The following CCND3 variants were observed in gnomAD, a reference collection of about 807,000 sequenced individuals.
CCND3 encodes cyclin D3, also known as G1/S-specific cyclin-D3.
Under a neutral mutation model 28.7 loss-of-function variants are expected in CCND3, and 9 were observed. The ratio of observed to expected loss-of-function variants is 0.31; its 90% confidence interval spans 0.19 to 0.55. CCND3 has a LOEUF of 0.55. CCND3 is among the 20% of genes least tolerant of loss of function. CCND3 has a pLI of 0.93. For missense variants in CCND3, 315 were observed against 385.8 expected (o/e 0.82, Z 1.54); for synonymous variants, 164 against 163.9 (o/e 1.00, Z 0.00).
rs34167767 is a variant in CCND3, at chr6:41,964,280, A to ATG, written c.-45-23697_-45-23696dup. ...GAGGAGCACTTCCTCCAGCGTGTGT[A>ATG]TGTGTGTGTGTGTGAGTATGTGTGA... is the stretch of plus-strand genomic sequence containing the variant. On this transcript the variant is annotated intron_variant, in intron 1 of 4. Coordinates refer to the CCND3 transcript ENST00000372988. Among the ~76,000 whole-genome samples, 289 of 151,480 alleles carry ATG rather than the reference A, an allele frequency of 1.9e-3. 2 individuals carry two copies. The highest frequency in any genetic ancestry group is 6.6e-3 in the African/African-American group (273 of 41,344).
Position 41,941,304 on chromosome 6 carries a change from T to C in CCND3, c.198+148A>G. The stretch of plus-strand genomic sequence containing the variant: ...GGGAAAGCAAGGGAGGCAGCTGGCG[T>C]GGGTGCCCTAGTGAAAGGCCAGGCC... On this transcript the variant is annotated intron_variant, in intron 1 of 4. Coordinates refer to ENST00000372991, the MANE Select transcript of CCND3 (RefSeq NM_001760.5). The surrounding 1 kb of genome is among the most constrained non-coding windows in gnomAD (Gnocchi z 6.1). The C allele has an allele frequency of 6.9e-7, 1 of 1,458,642 alleles. No individual in the cohort carries two copies. Among genetic ancestry groups the C allele is most frequent in the Admixed American group, 2.9e-5 (1 of 34,804 alleles). 90.4% of individuals were successfully genotyped at this position (1,458,642 alleles called of 1,614,324 possible). A position where few individuals can be genotyped will look rare whatever the true frequency, so the allele number is the denominator to read the frequency against.
chr6:42,011,115 T>TGGA (rs1763334625), intron 1 of CCND3: 1 of 152,146 alleles, frequency 6.6e-6, no homozygotes, highest in South Asian at 2.1e-4. Context: ...AATGAATGGA[T>TGGA]TTTTCACTGA....
intron 1 of CCND3, among the ~76,000 whole-genome samples, chr6:41,983,634 A>T (rs755213601): frequency 3.9e-5 from 6 of 152,106 alleles, no homozygotes; most frequent in Non-Finnish European, 7.4e-5. Context: ...GAGCCTAGGA[A>T]TTCAAGACCC....
intron 1 of CCND3, among the ~76,000 whole-genome samples, chr6:42,005,366 A>G (rs1582153847): frequency 6.6e-6 from 1 of 151,752 alleles, no homozygotes; most frequent in African/African-American, 2.4e-5. Context: ...GCATGGTGAA[A>G]CCCTGCCTCT....
chr6:42,012,125 C>T (rs1030989997), intron 1 of CCND3, among the ~76,000 whole-genome samples: 1 of 152,174 alleles, frequency 6.6e-6, no homozygotes, highest in Non-Finnish European at 1.5e-5. Context: ...TCAGGTTAAA[C>T]AAAACTTGGG....
At chr6:41,955,875 C>T (rs1188678070) in intron 1 of CCND3, among the ~76,000 whole-genome samples, 1 of 152,038 alleles carries the variant, frequency 6.6e-6, no homozygotes, top group African/African-American at 2.4e-5. Context: ...TTGCTTATGC[C>T]TAGGAGGTCA....
chr6:42,001,700 G>A (rs1040038423), intron 1 of CCND3, among the ~76,000 whole-genome samples: 6 of 152,064 alleles, frequency 3.9e-5, no homozygotes, highest in South Asian at 2.1e-4. Flanking sequence ...AGCACAGCAA[G>A]ACTCCATCTC....
upstream of CCND3, among the ~76,000 whole-genome samples, chr6:41,942,294 G>A (rs979407100): frequency 2.0e-5 from 3 of 152,174 alleles, no homozygotes; most frequent in Non-Finnish European, 4.4e-5. Flanking sequence ...GGCAGAGCTA[G>A]GATTGGGAAG....
At chr6:42,012,201 T>C (rs969258548) in intron 1 of CCND3, among the ~76,000 whole-genome samples, 8 of 152,110 alleles carry the variant, frequency 5.3e-5, no homozygotes, top group South Asian at 4.1e-4. Flanking sequence ...AAGCATAACA[T>C]TGGAGACCAG....
chr6:42,003,932 C>A, intron 1 of CCND3, among the ~76,000 whole-genome samples: 1 of 116,268 alleles, frequency 8.6e-6, no homozygotes, highest in Admixed American at 9.3e-5. Flanking sequence ...GAGTGAGACC[C>A]TATCTCAAAA....
chr6:42,038,608 T>C (rs1294009259), intron 1 of CCND3, among the ~76,000 whole-genome samples: 1 of 150,984 alleles, frequency 6.6e-6, no homozygotes, highest in East Asian at 1.9e-4. Context: ...ATAATAGTGA[T>C]TATAGAAATA....
At chr6:42,023,241 G>C (rs948990870) in intron 1 of CCND3, among the ~76,000 whole-genome samples, 4 of 152,140 alleles carry the variant, frequency 2.6e-5, no homozygotes, top group African/African-American at 9.7e-5. Context: ...CTGCATTGCT[G>C]GGTTTTTTGT....
rs550720031 is a variant in CCND3, at chr6:41,938,006, G to A, written c.415-612C>T. ...ATCCCCTTGGTAGGATATCAGGGAT[G>A]GGTCCTGAGGTATAGCACCCCACCC... On this transcript the variant is annotated intron_variant, in intron 2 of 4. Coordinates refer to ENST00000372991, the MANE Select transcript of CCND3 (RefSeq NM_001760.5). The surrounding 1 kb of genome is among the most constrained non-coding windows in gnomAD (Gnocchi z 4.6). 4.0e-4 allele frequency among the ~76,000 whole-genome samples: 61 copies of A among 152,144 alleles called. 1 individual carries two copies. Among genetic ancestry groups the A allele is most frequent in the Admixed American group, 7.2e-4 (11 of 15,280 alleles).
chr6:41,997,351 A>ATCTGAC (rs1249672546), intron 1 of CCND3, among the ~76,000 whole-genome samples: 2 of 152,182 alleles, frequency 1.3e-5, no homozygotes, highest in Non-Finnish European at 2.9e-5. Flanking sequence ...GGCATGCAGA[A>ATCTGAC]TCTGACTCAG....
chr6:42,033,901 T>A (rs1764118829), intron 1 of CCND3, among the ~76,000 whole-genome samples: 1 of 151,942 alleles, frequency 6.6e-6, no homozygotes, highest in Non-Finnish European at 1.5e-5. Flanking sequence ...ATGCCTATAA[T>A]CCCAGCACTT....
intron 1 of CCND3, among the ~76,000 whole-genome samples, chr6:42,033,745 A>C (rs1316949564): frequency 6.6e-6 from 1 of 151,662 alleles, no homozygotes; most frequent in East Asian, 1.9e-4. Flanking sequence ...GCTACTTGGG[A>C]GGCTGAGGCA....
At chr6:41,950,903 T>A (rs1427986728) in intron 1 of CCND3, among the ~76,000 whole-genome samples, 2 of 151,562 alleles carry the variant, frequency 1.3e-5, no homozygotes, top group Non-Finnish European at 2.9e-5. Flanking sequence ...AGAGTTGGGG[T>A]TTCACCGTGT....
intron 1 of CCND3, among the ~76,000 whole-genome samples, chr6:41,993,051 C>T (rs575956831): frequency 6.6e-6 from 1 of 152,242 alleles, no homozygotes; most frequent in East Asian, 1.9e-4. Context: ...AGACTATAGG[C>T]ACACTATATC....
chr6:42,023,045 T>A (rs1763757614), intron 1 of CCND3, among the ~76,000 whole-genome samples: 1 of 152,220 alleles, frequency 6.6e-6, no homozygotes, highest in African/African-American at 2.4e-5. Flanking sequence ...TGCTAAAATT[T>A]GTGACCCCGA....
Sources: allele counts gnomAD v4.1 joint callset (sites outside exome capture counted in the v4.1 genomes callset), GRCh38; gene constraint gnomAD v4.1.1; non-coding constraint Gnocchi (gnomAD v3.1); transcripts MANE v1.5; gene names NCBI Gene and HGNC (gene_info 2026-07-23, HGNC 2026-07-21).